Variants in ZFAND3 observed in about 807,000 individuals in gnomAD.
ZFAND3 encodes the protein AN1-type zinc finger protein 3.
ZFAND3 carries 10 observed loss-of-function variants against 29.6 expected under a neutral mutation model. The observed-to-expected ratio is 0.34, with a 90% CI of 0.21 to 0.57. The LOEUF (loss-of-function observed/expected upper bound fraction) is 0.57. ZFAND3 is among the 20% of genes least tolerant of loss of function. The pLI is 0.86. For synonymous variants in ZFAND3, 128 were observed against 112.6 expected (o/e 1.14, Z -0.87); for missense variants, 230 against 304.5 (o/e 0.76, Z 1.82).
chr6:37,969,317 A>G (rs1296283998), intron 2 of ZFAND3, among the ~76,000 whole-genome samples: 2 of 152,236 alleles, frequency 1.3e-5, no homozygotes, highest in East Asian at 3.8e-4. Flanking sequence ...TTGATTTAAA[A>G]TTAGGTTACA....
chr6:38,136,131 A>G (rs894034823), intron 5 of ZFAND3, among the ~76,000 whole-genome samples: 6 of 152,186 alleles, frequency 3.9e-5, no homozygotes, highest in African/African-American at 1.4e-4. Flanking sequence ...CACAGCTGCC[A>G]GTGCCTGAGG....
At chr6:37,921,596 C>T (rs982760385) in intron 1 of ZFAND3, among the ~76,000 whole-genome samples, 2 of 151,660 alleles carry the variant, frequency 1.3e-5, no homozygotes, top group African/African-American at 4.8e-5. Context: ...TTCCAGAATT[C>T]CCAGAAATTA....
rs528163621 is a variant in ZFAND3 at position 38,051,841 on chromosome 6, C to T, written c.113-9752C>T. Among the ~76,000 whole-genome samples the T allele has an allele frequency of 2.6e-5, 4 of 152,220 alleles. No individual in the cohort carries two copies. In the East Asian group the frequency reaches 7.7e-4, roughly 29 times the overall value. On this transcript the variant is annotated intron_variant, in intron 2 of 5. Transcript: ENST00000287218. ...GGTAAATGTACATGTTATTGTAGTA[C>T]TAATGGATTGTTAGATATTTGCTGT...
intron 2 of ZFAND3, among the ~76,000 whole-genome samples, chr6:37,990,929 G>A (rs1762748264): frequency 6.6e-6 from 1 of 152,168 alleles, no homozygotes; most frequent in Non-Finnish European, 1.5e-5. Flanking sequence ...AATGCACAAA[G>A]AATGACCCCA....
At chr6:37,853,694 T>A (rs1478013538) in intron 1 of ZFAND3, among the ~76,000 whole-genome samples, 1 of 152,196 alleles carries the variant, frequency 6.6e-6, no homozygotes, top group Non-Finnish European at 1.5e-5. Context: ...GCATTTTGTT[T>A]GCAAGCCTTT....
Position 38,045,053 on chromosome 6 carries a change from C to CA in ZFAND3, c.113-16540_113-16539insA, listed in dbSNP as rs1554169427. Among the ~76,000 whole-genome samples the CA allele has an allele frequency of 2.7e-3, 306 of 114,570 alleles. 1 individual carries two copies. The highest frequency in any genetic ancestry group is 5.8e-3 in the African/African-American group (194 of 33,336). The allele number at this position is 114,570 out of a possible 152,430, so 75.2% of individuals were successfully genotyped here. On this transcript the variant is annotated intron_variant, in intron 2 of 5. Transcript: ENST00000287218. ...GCTGTCATCTCCCCATGTGGAAATT[C>CA]TTTTATTTATTTATTTATTTATTTA... is the stretch of plus-strand genomic sequence containing the variant.
chr6:37,947,357 A>G (rs1427898422), intron 2 of ZFAND3, among the ~76,000 whole-genome samples: 1 of 152,188 alleles, frequency 6.6e-6, no homozygotes, highest in African/African-American at 2.4e-5. Flanking sequence ...GGCATAATTT[A>G]TATTATTTAT....
At chr6:37,839,009 C>T (rs1411064024) in intron 1 of ZFAND3, among the ~76,000 whole-genome samples, 1 of 152,124 alleles carries the variant, frequency 6.6e-6, no homozygotes, top group Non-Finnish European at 1.5e-5. Flanking sequence ...TTATAGCCAA[C>T]CCTGTGGCAT....
At chr6:37,993,258 A>G (rs900182497) in intron 2 of ZFAND3, among the ~76,000 whole-genome samples, 1 of 152,200 alleles carries the variant, frequency 6.6e-6, no homozygotes, top group African/African-American at 2.4e-5. Context: ...ATGAAACCAT[A>G]GAGCTAAAAA....
chr6:38,075,758 T>G (rs1581895953), intron 3 of ZFAND3, among the ~76,000 whole-genome samples: 1 of 151,590 alleles, frequency 6.6e-6, no homozygotes, highest in East Asian at 1.9e-4. Flanking sequence ...AGTTGGGTTT[T>G]TTTGTTTGTT....
At chr6:38,020,801 G>C (rs1449654971) in intron 2 of ZFAND3, among the ~76,000 whole-genome samples, 1 of 152,120 alleles carries the variant, frequency 6.6e-6, no homozygotes, top group African/African-American at 2.4e-5. Flanking sequence ...CACACTGCCA[G>C]GATATGTCCA....
intron 1 of ZFAND3, among the ~76,000 whole-genome samples, chr6:37,844,989 A>T (rs1242075522): frequency 4.7e-5 from 7 of 149,048 alleles, no homozygotes; most frequent in Non-Finnish European, 4.4e-5. Context: ...ACGCTACTGC[A>T]CTCCAGCCTG....
At chr6:37,820,306 G>A (rs1236547351) in intron 1 of ZFAND3, among the ~76,000 whole-genome samples, 1 of 152,216 alleles carries the variant, frequency 6.6e-6, no homozygotes, top group Non-Finnish European at 1.5e-5. Flanking sequence ...CAGGGCGGCG[G>A]GGAGGGATGA....
chr6:37,906,798 C>G (rs1012360083), intron 1 of ZFAND3, among the ~76,000 whole-genome samples: 2 of 151,462 alleles, frequency 1.3e-5, no homozygotes, highest in Non-Finnish European at 2.9e-5. Flanking sequence ...GCATCTTTAC[C>G]TGTGATTTTT....
intron 3 of ZFAND3, 62 bp from the exon 4 acceptor site, chr6:38,082,330 A>G (rs1764679227): frequency 6.9e-7 from 1 of 1,445,956 alleles, no homozygotes; most frequent in African/African-American, 1.4e-5. Context: ...TACTCAGGAA[A>G]GCAACTATAT....
rs141482298 is a variant in ZFAND3, at chr6:38,056,816, GTTGAGAAATTAT to G, written c.113-4774_113-4763del. Among the ~76,000 whole-genome samples, 778 of 152,260 alleles carry G rather than the reference GTTGAGAAATTAT, an allele frequency of 5.1e-3. 9 individuals are homozygous for G. Among genetic ancestry groups the G allele is most frequent in the African/African-American group, 0.017 (721 of 41,546 alleles). On this transcript the variant is annotated intron_variant, in intron 2 of 5. Coordinates refer to ENST00000287218, the MANE Select transcript of ZFAND3 (RefSeq NM_021943.3). Reference sequence around the variant, plus strand: ...TACTAAAGGTTTCAAGCATATCTTTGTTGAGAAATTATTTTTCCCCTTAGATGATAATAAGGT... The same window carrying G: ...TACTAAAGGTTTCAAGCATATCTTTGTTTTCCCCTTAGATGATAATAAGGT...
At chr6:37,889,393 A>C (rs1045801597) in intron 1 of ZFAND3, among the ~76,000 whole-genome samples, 1 of 152,190 alleles carries the variant, frequency 6.6e-6, no homozygotes, top group Admixed American at 6.5e-5. Flanking sequence ...ATGGATTGCT[A>C]TACTGGCTTA....
chr6:38,006,600 A>G (rs2127441826), intron 2 of ZFAND3, among the ~76,000 whole-genome samples: 3 of 151,534 alleles, frequency 2.0e-5, no homozygotes, highest in Admixed American at 2.0e-4. Flanking sequence ...CATCCTTCTC[A>G]GAAAACTTCT....
At chr6:38,016,196 T>A (rs1191878027) in intron 2 of ZFAND3, among the ~76,000 whole-genome samples, 1 of 152,218 alleles carries the variant, frequency 6.6e-6, no homozygotes, top group Non-Finnish European at 1.5e-5. Flanking sequence ...GGCTTTAGTG[T>A]GCACATCTAT....
Sources: allele counts gnomAD v4.1 joint callset (sites outside exome capture counted in the v4.1 genomes callset), GRCh38; gene constraint gnomAD v4.1.1; transcripts MANE v1.5; gene names NCBI Gene and HGNC (gene_info 2026-07-23, HGNC 2026-07-21).